FBXO27: variants seen among roughly 807,000 people sequenced by gnomAD.
The protein encoded by FBXO27 is F-box only protein 27.
FBXO27 carries 28 observed loss-of-function variants against 28.3 expected under a neutral mutation model. The observed-to-expected ratio is 0.99, with a 90% CI of 0.73 to 1.36. The LOEUF is 1.36. FBXO27 is among the 40% of genes most tolerant of loss of function. FBXO27 has a pLI of 0.00. For synonymous variants in FBXO27, 175 were observed against 167.3 expected, an observed-to-expected ratio of 1.05 and a Z score of -0.36; for missense variants, 388 against 394.1, an observed-to-expected ratio of 0.98 and a Z score of 0.13.
downstream of FBXO27, among the ~76,000 whole-genome samples, chr19:39,023,002 G>A (rs1176483496): frequency 4.0e-5 from 6 of 151,456 alleles, no homozygotes; most frequent in East Asian, 3.9e-4. Context: ...ATGGGGTTTC[G>A]CCATATTGGC....
At chr19:39,028,192 T>C (rs921042168) in intron 4 of FBXO27, among the ~76,000 whole-genome samples, 4 of 151,774 alleles carry the variant, frequency 2.6e-5, no homozygotes, top group Non-Finnish European at 5.9e-5. Flanking sequence ...GATCGCACCA[T>C]TGCACTCCAG....
intron 2 of FBXO27, chr19:39,014,376 A>G (rs1423317521): frequency 6.6e-6 from 1 of 152,160 alleles, no homozygotes; most frequent in Non-Finnish European, 1.5e-5. Context: ...GGCTTTCCTA[A>G]GCCTTTTTAC....
chr19:39,022,120 G>A (rs1600225879), downstream of FBXO27, among the ~76,000 whole-genome samples: 1 of 133,894 alleles, frequency 7.5e-6, no homozygotes, highest in Non-Finnish European at 1.6e-5. Flanking sequence ...CTTTGTGGAA[G>A]TTTTTTTCCC....
chr19:39,013,806 G>A (rs2072807036), intron 2 of FBXO27, among the ~76,000 whole-genome samples: 2 of 151,984 alleles, frequency 1.3e-5, no homozygotes, highest in Admixed American at 6.6e-5. Context: ...GAGGTCAGGA[G>A]ATCGAGACCA....
At position 39,012,087 on chromosome 19, in the gene FBXO27, C is replaced by T. The variant is rs373345719; in HGVS notation, c.252+2300G>A. Among the ~76,000 whole-genome samples the T allele has an allele frequency of 1.9e-4, 29 of 152,064 alleles. No individual in the cohort carries two copies. In the East Asian group the frequency reaches 3.3e-3, roughly 17 times the overall value. Reference sequence around the variant, plus strand: ...TGACCTCGTGATCCGCCCGTCTCGGCCTCCCAAAGTACTGGGATTACAGGC... The same window carrying T: ...TGACCTCGTGATCCGCCCGTCTCGGTCTCCCAAAGTACTGGGATTACAGGC... On this transcript the variant is annotated intron_variant, in intron 2 of 2. Transcript: ENST00000598394.
chr19:39,011,827 C>CTTTTTTT (rs71167612), intron 2 of FBXO27, among the ~76,000 whole-genome samples: 1 of 123,772 alleles, frequency 8.1e-6, no homozygotes, highest in Non-Finnish European at 1.6e-5. Context: ...ATTTTCTTTT[C>CTTTTTTT]TTTTTTTTTT....
intron 2 of FBXO27, among the ~76,000 whole-genome samples, chr19:39,013,750 A>C (rs2072806736): frequency 6.6e-6 from 1 of 152,040 alleles, no homozygotes; most frequent in Non-Finnish European, 1.5e-5. Flanking sequence ...GTGGTGGCTC[A>C]CATCTGTAAT....
At chr19:39,031,654 C>T (rs2072904376) in intron 2 of FBXO27, among the ~76,000 whole-genome samples, 1 of 151,996 alleles carries the variant, frequency 6.6e-6, no homozygotes, top group Admixed American at 6.6e-5. Flanking sequence ...CCCTCCGACA[C>T]CTCCCACCGG....
In FBXO27 at chr19:39,025,267, C is replaced by G. The variant is rs2072865962; in HGVS notation, c.*144G>C. 2.7e-6 allele frequency: 3 copies of G among 1,102,724 alleles called. No individual in the cohort carries two copies. The highest frequency in any genetic ancestry group is 1.6e-5 in the African/African-American group (1 of 63,696). 68.3% of individuals were successfully genotyped at this position (1,102,724 alleles called of 1,614,324 possible). On this transcript the variant is annotated 3_prime_UTR_variant, in exon 6 of 6. Transcript: ENST00000292853. ...AGTTTCTAGAACCTGAAGACAGGGC[C>G]CGTCAGGGCCTTTGATTGGACCCAG...
At chr19:39,007,541 G>A (rs1292852309) in intron 2 of FBXO27, among the ~76,000 whole-genome samples, 1 of 152,094 alleles carries the variant, frequency 6.6e-6, no homozygotes, top group African/African-American at 2.4e-5. Context: ...GAAAGTTCTC[G>A]GGAGTAGTTC....
Position 39,007,073 on chromosome 19 carries a change from A to AAAC in FBXO27, c.252+7313_252+7314insGTT, listed in dbSNP as rs1368748248. Reference sequence around the variant, plus strand: ...GGGTGTCTCCAAAAAAAAAAAAAAAAAAAAATACAGAAAAGTACAATCCCA... The same window carrying AAAC: ...GGGTGTCTCCAAAAAAAAAAAAAAAAAACAAAAATACAGAAAAGTACAATCCCA... On this transcript the variant is annotated intron_variant, in intron 2 of 2. Transcript: ENST00000598394. 2.5e-4 allele frequency among the ~76,000 whole-genome samples: 37 copies of AAAC among 150,432 alleles called. 2 individuals carry two copies. In the East Asian group the frequency reaches 6.8e-3, roughly 28 times the overall value.
intron 2 of FBXO27, among the ~76,000 whole-genome samples, chr19:39,011,827 CTT>C (rs71167612): frequency 0.44 from 54,170 of 123,610 alleles, 11,638 homozygotes; most frequent in Middle Eastern, 0.59. Flanking sequence ...ATTTTCTTTT[CTT>C]TTTTTTTTTT....
At chr19:39,014,289 G>A (rs2072809367) in intron 2 of FBXO27, 1 of 152,290 alleles carries the variant, frequency 6.6e-6, no homozygotes, top group Admixed American at 6.5e-5. Context: ...CCACAAGTCA[G>A]TGGCTGTTCT....
intron 1 of FBXO27, among the ~76,000 whole-genome samples, chr19:39,015,812 T>G (rs560780089): frequency 6.6e-6 from 1 of 152,260 alleles, no homozygotes; most frequent in Admixed American, 6.5e-5. Context: ...GGCTCACGCC[T>G]ATAATCCCAG....
At chr19:39,031,342 T>C (rs760310377) in intron 2 of FBXO27, 22 bp from the exon 3 acceptor site, 2 of 1,611,778 alleles carry the variant, frequency 1.2e-6, no homozygotes, top group Non-Finnish European at 1.7e-6. Context: ...AAAAGGCTTG[T>C]GCCCAAGTTC....
downstream of FBXO27, among the ~76,000 whole-genome samples, chr19:39,021,507 A>G (rs1351356797): frequency 6.6e-6 from 1 of 152,178 alleles, no homozygotes; most frequent in Non-Finnish European, 1.5e-5. Context: ...TTTGCTTAAC[A>G]ACATTTTCTT....
chr19:39,006,325 A>C (rs1975734048), intron 2 of FBXO27, among the ~76,000 whole-genome samples: 1 of 152,160 alleles, frequency 6.6e-6, no homozygotes. Context: ...TGGGAGGCCA[A>C]GGTAGGTGGA....
At chr19:39,006,603 CCA>C (rs2144876846) in intron 2 of FBXO27, among the ~76,000 whole-genome samples, 1 of 152,000 alleles carries the variant, frequency 6.6e-6, no homozygotes, top group Non-Finnish European at 1.5e-5. Flanking sequence ...ATCCCGCTAA[CCA>C]CAGAGATCTA....
intron 2 of FBXO27, among the ~76,000 whole-genome samples, chr19:39,008,667 C>T (rs2072781531): frequency 1.3e-5 from 2 of 152,154 alleles, no homozygotes; most frequent in Non-Finnish European, 2.9e-5. Flanking sequence ...CCTCCCTCCT[C>T]CTCCCTGGCA....
Sources: allele counts gnomAD v4.1 joint callset (sites outside exome capture counted in the v4.1 genomes callset), GRCh38; gene constraint gnomAD v4.1.1; transcripts MANE v1.5; gene names NCBI Gene and HGNC (gene_info 2026-07-23, HGNC 2026-07-21).